The following ANKRD10 variants were observed in gnomAD, a reference collection of about 807,000 sequenced individuals.
ANKRD10 encodes the protein ankyrin repeat domain-containing protein 10.
In ANKRD10, 14 loss-of-function variants were observed where a neutral mutation model predicts 27.0. The observed-to-expected ratio is 0.52, with a 90% CI of 0.34 to 0.81. ANKRD10 has a LOEUF of 0.81. ANKRD10 is among the 40% of genes least tolerant of loss of function. The pLI, the probability that ANKRD10 is intolerant of heterozygous loss-of-function variation, is 0.01. For synonymous variants in ANKRD10, 250 were observed against 224.5 expected, an observed-to-expected ratio of 1.11 and a Z score of -1.01; for missense variants, 493 against 544.0, an observed-to-expected ratio of 0.91 and a Z score of 0.93.
chr13:110,913,323 C>T, intron 1 of ANKRD10, among the ~76,000 whole-genome samples: 1 of 152,194 alleles, frequency 6.6e-6, no homozygotes, highest in East Asian at 1.9e-4. Context: ...CTGACTGCCT[C>T]GGGAAATCTA....
intron 3 of ANKRD10, chr13:110,893,990 T>C (rs961565125): frequency 2.0e-5 from 14 of 691,244 alleles, no homozygotes; most frequent in East Asian, 8.0e-5. Context: ...ACCTGGCTAA[T>C]AGTACTAAAA....
At chr13:110,894,307 T>A in intron 3 of ANKRD10, 2 of 547,008 alleles carry the variant, frequency 3.7e-6, no homozygotes, top group Non-Finnish European at 6.5e-6. Flanking sequence ...CTACACTACA[T>A]CCACAGCAAA....
intron 3 of ANKRD10, among the ~76,000 whole-genome samples, chr13:110,904,770 C>T (rs1038073923): frequency 3.9e-5 from 6 of 152,132 alleles, no homozygotes; most frequent in Non-Finnish European, 5.9e-5. Flanking sequence ...TACATGAAGT[C>T]GCGAGAGTCC....
chr13:110,896,212 T>C (rs1374510982), intron 3 of ANKRD10, among the ~76,000 whole-genome samples: 6 of 152,224 alleles, frequency 3.9e-5, no homozygotes, highest in African/African-American at 1.4e-4. Flanking sequence ...GAGGAGACTG[T>C]AATTTTGCTC....
At chr13:110,881,537 C>T (rs150127148) in intron 5 of ANKRD10, among the ~76,000 whole-genome samples, 1 of 146,770 alleles carries the variant, frequency 6.8e-6, no homozygotes, top group Admixed American at 6.8e-5. Flanking sequence ...GATTTTTTTT[C>T]CCCCAAATTA....
chr13:110,889,027 A>G (rs898833553), intron 4 of ANKRD10, among the ~76,000 whole-genome samples: 11 of 134,538 alleles, frequency 8.2e-5, no homozygotes, highest in Non-Finnish European at 1.7e-4. Context: ...AGCTCCATCC[A>G]AAACAATTAT....
chr13:110,891,100 CAG>C (rs893873444), intron 4 of ANKRD10, among the ~76,000 whole-genome samples: 7 of 152,072 alleles, frequency 4.6e-5, no homozygotes, highest in Non-Finnish European at 8.8e-5. Flanking sequence ...AAATACTAAA[CAG>C]AATTTAAGAT....
In ANKRD10 at chr13:110,893,177, T is replaced by C. The variant is rs1178014860; in HGVS notation, c.542A>G (p.Gln181Arg). 6.2e-7 allele frequency: 1 copy of C among 1,614,204 alleles called. No individual in the cohort carries two copies. ...QECAQFLLNL[Q>R]NCHLNHFYNN... Reference sequence around the variant, plus strand: ...ATAGAAATGGTTCAGATGACAATTCTGGAGGTTCAAGAGAAACTGGGCACA... The same window carrying C: ...ATAGAAATGGTTCAGATGACAATTCCGGAGGTTCAAGAGAAACTGGGCACA... The change falls in exon 4 of 6, where the codon CAG becomes CGG. Residue 181 changes from glutamine (Q) to arginine (R), a missense_variant. By Grantham distance (43) the Gln-to-Arg change is conservative. Coordinates refer to ENST00000267339, the MANE Select transcript of ANKRD10 (RefSeq NM_017664.4).
At chr13:110,892,771 G>A in intron 4 of ANKRD10, 1 of 1,183,624 alleles carries the variant, frequency 8.4e-7, no homozygotes, top group Non-Finnish European at 1.0e-6. Flanking sequence ...TTCATGGCAG[G>A]TAAACATGGG....
rs1377282087 is a variant in ANKRD10, at chr13:110,906,087, C to T, written c.401G>A (p.Arg134His). 5.0e-6 allele frequency: 8 copies of T among 1,604,658 alleles called. No individual in the cohort carries two copies. Among genetic ancestry groups the T allele is most frequent in the South Asian group, 2.2e-5 (2 of 89,234 alleles). ...EGETPIHKAA[R>H]SGSLECISAL... ...ACTGATGCATTCTAGGCTCCCAGAG[C>T]GAGCTGCCTTGTGAATGGGAGTTTC... Residue 134 changes from arginine to histidine, a missense_variant, in exon 3 of 6, where the codon CGC (arginine) becomes CAC (histidine). By Grantham distance (29) the Arg-to-His change is conservative. Transcript: ENST00000267339.
chr13:110,900,776 G>A, intron 3 of ANKRD10: 1 of 928,444 alleles, frequency 1.1e-6, no homozygotes, highest in Admixed American at 2.3e-5. Context: ...CATAATACAG[G>A]AAACTTAAAT....
At position 110,909,802 on chromosome 13, in the gene ANKRD10, T is replaced by G. The variant is rs140539098; in HGVS notation, c.363+816A>C. Among the ~76,000 whole-genome samples the G allele has an allele frequency of 7.3e-3, 1,110 of 152,280 alleles. 10 individuals are homozygous for G. The highest frequency in any genetic ancestry group is 0.024 in the African/African-American group (1,015 of 41,556). ...AGGACTGAATCTTGGGAAAGAAAAG[T>G]AGAAAGACGACTTTGCATCCAAGAC... On this transcript the variant is annotated intron_variant, in intron 2 of 5. Transcript: ENST00000267339.
chr13:110,909,458 G>T (rs2065631932), intron 2 of ANKRD10, among the ~76,000 whole-genome samples: 1 of 152,190 alleles, frequency 6.6e-6, no homozygotes, highest in African/African-American at 2.4e-5. Flanking sequence ...CAACAGAGCA[G>T]CAGAGAAATA....
At chr13:110,883,385 A>ACT (rs1566446452) in intron 5 of ANKRD10, 1 of 468,872 alleles carries the variant, frequency 2.1e-6, no homozygotes, top group East Asian at 7.9e-5. Context: ...AAATCAGAAT[A>ACT]AAGATTGCAC....
intron 5 of ANKRD10, among the ~76,000 whole-genome samples, chr13:110,882,785 C>T (rs766577400): frequency 6.6e-6 from 1 of 152,114 alleles, no homozygotes; most frequent in Non-Finnish European, 1.5e-5. Context: ...GTTTAGTGAA[C>T]ACAAATGATT....
chr13:110,880,723 A>AT (rs1288922272), intron 5 of ANKRD10, among the ~76,000 whole-genome samples: 1 of 152,128 alleles, frequency 6.6e-6, no homozygotes, highest in African/African-American at 2.4e-5. Context: ...CACTGTTTTT[A>AT]TTTTTTTCAG....
rs1209303250 is a variant in ANKRD10, at chr13:110,914,854, G to A, written c.81C>T (p.His27=). ...CCAGGTCCCCGTCGCGGCAGGCGCG[G>A]TGCAGCGGGAAACGGAGCGAGAGCA... The part of the protein sequence containing the change: ...EELLSLRFPL[H]RACRDGDLAT... Residue 27 remains histidine, a synonymous_variant, in exon 1 of 6, where the codon CAC becomes CAT. Coordinates refer to ENST00000267339, the MANE Select transcript of ANKRD10 (RefSeq NM_017664.4). 2.6e-6 allele frequency: 4 copies of A among 1,564,052 alleles called. No individual in the cohort carries two copies. Among genetic ancestry groups the A allele is most frequent in the Admixed American group, 3.8e-5 (2 of 53,330 alleles).
intron 3 of ANKRD10, among the ~76,000 whole-genome samples, chr13:110,893,892 T>C (rs975427313): frequency 3.3e-5 from 5 of 152,238 alleles, no homozygotes; most frequent in African/African-American, 7.2e-5. Flanking sequence ...TTTGGCATTG[T>C]AGAGCATTTG....
chr13:110,883,503 C>A, intron 5 of ANKRD10, 195 bp downstream of exon 5: 1 of 1,325,482 alleles, frequency 7.5e-7, no homozygotes, highest in African/African-American at 1.5e-5. Flanking sequence ...CACTGGACAA[C>A]AAAGTGCAAA....
Sources: allele counts gnomAD v4.1 joint callset (sites outside exome capture counted in the v4.1 genomes callset), GRCh38; gene constraint gnomAD v4.1.1; transcripts MANE v1.5; gene names NCBI Gene and HGNC (gene_info 2026-07-23, HGNC 2026-07-21).